The following SP110 variants were observed in gnomAD, a reference collection of about 807,000 sequenced individuals.
SP110 encodes SP110 nuclear body protein.
A neutral mutation model predicts 92.7 loss-of-function variants in SP110; 62 were observed. That is an observed-to-expected ratio of 0.67 (90% CI 0.55 to 0.83). The LOEUF is 0.83. Ranked by LOEUF, SP110 falls within the 40% of genes least tolerant of loss-of-function variation. The pLI, the probability that SP110 is intolerant of heterozygous loss-of-function variation, is 0.00. For missense variants in SP110, 793 were observed against 863.9 expected (o/e 0.92, Z 1.03); for synonymous variants, 273 against 305.3 (o/e 0.89, Z 1.10).
chr2:230,180,540 CA>C (rs1416899116), intron 12 of SP110, among the ~76,000 whole-genome samples: 1 of 152,106 alleles, frequency 6.6e-6, no homozygotes, highest in Non-Finnish European at 1.5e-5. Context: ...AAAGAGAAGG[CA>C]ATGACTGTCC....
Position 230,212,856 on chromosome 2 carries a change from G to A in SP110, c.488C>T (p.Ser163Phe), listed in dbSNP as rs2044647444. ...ACTCAGGATCTCATCGCTTTGCTGG[G>A]AGGATGTTCCAGGCTCACTGACTCT... is the stretch of plus-strand genomic sequence containing the variant. The part of the protein sequence containing the change: ...APRVSEPGTS[S>F]QQSDEILSES... Residue 163 changes from serine (S) to phenylalanine (F), a missense_variant, in exon 4 of 19, where the codon TCC becomes TTC. Physicochemically the swap from Ser to Phe is radical, Grantham distance 155 (BLOSUM62 -2). Transcript: ENST00000258381. 6.2e-7 allele frequency: 1 copy of A among 1,614,026 alleles called. No individual in the cohort carries two copies. Among genetic ancestry groups the A allele is most frequent in the African/African-American group, 1.3e-5 (1 of 74,916 alleles).
In SP110 at chr2:230,169,093, G is replaced by T; in HGVS notation, c.*31C>A. On this transcript the variant is annotated 3_prime_UTR_variant, in exon 19 of 19. Coordinates refer to ENST00000258381, the MANE Select transcript of SP110 (RefSeq NM_080424.4). The stretch of plus-strand genomic sequence containing the variant: ...AGGGTCCCATCAGCTGAATCCTGAG[G>T]TGGGGATGCTTCAGTCTTTACAGAA... 1 of 1,389,748 alleles carries T rather than the reference G, an allele frequency of 7.2e-7. No individual in the cohort carries two copies. The highest frequency in any genetic ancestry group is 1.0e-6 in the Non-Finnish European group (1 of 975,666). The allele number at this position is 1,389,748 out of a possible 1,614,324, so 86.1% of individuals were successfully genotyped here.
chr2:230,210,461 A>AAATAC lies in SP110; in HGVS notation c.752-458_752-454dup, dbSNP rs557104975. On this transcript the variant is annotated intron_variant, in intron 6 of 18. Coordinates refer to ENST00000258381, the MANE Select transcript of SP110 (RefSeq NM_080424.4). ...AAGGGGAATGTCTTTGCTGTATGAAAAATACATCTTATTGCTTTGACGTCT... is the reference window on the plus strand; with the variant it reads ...AAGGGGAATGTCTTTGCTGTATGAAAAATACAATACATCTTATTGCTTTGACGTCT... Among the ~76,000 whole-genome samples, 296 of 152,366 alleles carry AAATAC rather than the reference A, an allele frequency of 1.9e-3. 1 individual carries two copies. Among genetic ancestry groups the AAATAC allele is most frequent in the South Asian group, 5.2e-3 (25 of 4,830 alleles).
In SP110 at chr2:230,168,724, CCAAAACCCT is replaced by C. The variant is rs2078352727; in HGVS notation, c.*391_*399del. 1 of 169,004 alleles carries C rather than the reference CCAAAACCCT, an allele frequency of 5.9e-6. No homozygotes were observed. The highest frequency in any genetic ancestry group is 2.4e-5 in the African/African-American group (1 of 41,550). The allele number at this position is 169,004 out of a possible 1,614,324, so 10.5% of individuals were successfully genotyped here. A position where few individuals can be genotyped will look rare whatever the true frequency, so the allele number is the denominator to read the frequency against. ...CCAGATTGCAAAAAATGTAATAGGA[CCAAAACCCT>C]GAGTTCTTCAATAAATACATGACAA... On this transcript the variant is annotated 3_prime_UTR_variant, in exon 19 of 19. Coordinates refer to ENST00000258381, the MANE Select transcript of SP110 (RefSeq NM_080424.4).
chr2:230,225,323 C>T lies in SP110; in HGVS notation c.-64+212G>A, dbSNP rs137992853. Among the ~76,000 whole-genome samples, 899 of 152,308 alleles carry T rather than the reference C, an allele frequency of 5.9e-3. 14 individuals carry two copies. Among genetic ancestry groups the T allele is most frequent in the African/African-American group, 0.02 (850 of 41,560 alleles). On this transcript the variant is annotated intron_variant, in intron 1 of 15. Coordinates refer to the SP110 transcript ENST00000540870. ...CATGGAGTGCTAAGAGCATCTCCCC[C>T]ACTTTCTAATGCATGCTATTTCAGT...
At chr2:230,180,646 A>T (rs1353755564) in intron 12 of SP110, among the ~76,000 whole-genome samples, 3 of 152,182 alleles carry the variant, frequency 2.0e-5, no homozygotes, top group African/African-American at 7.2e-5. Flanking sequence ...TGGAATTTAC[A>T]CATGCCAGAC....
At chr2:230,225,080 C>T (rs1264293721) in intron 1 of SP110, among the ~76,000 whole-genome samples, 2 of 152,192 alleles carry the variant, frequency 1.3e-5, no homozygotes, top group African/African-American at 4.8e-5. Context: ...AATCTCAGCT[C>T]CAAACCCTTT....
chr2:230,200,847 G>A (rs1559161797), intron 10 of SP110, 38 bp downstream of exon 10: 2 of 1,436,528 alleles, frequency 1.4e-6, no homozygotes, highest in Non-Finnish European at 2.0e-6. Context: ...TAGATTCCTG[G>A]TGACTGTACT....
intron 12 of SP110, among the ~76,000 whole-genome samples, chr2:230,182,734 T>G (rs1349200921): frequency 6.6e-6 from 1 of 152,172 alleles, no homozygotes; most frequent in Admixed American, 6.5e-5. Context: ...ATTTTCTGTG[T>G]GTGTGAATCC....
intron 4 of SP110, 57 bp downstream of exon 4, chr2:230,212,704 T>G (rs1201939097): frequency 1.9e-6 from 3 of 1,604,624 alleles, no homozygotes; most frequent in Non-Finnish European, 2.6e-6. Context: ...GGCGGCAACA[T>G]GGCACAGGCA....
chr2:230,203,422 T>C (rs75411703), intron 8 of SP110: 19,259 of 153,524 alleles, frequency 0.13, 1,369 homozygotes, highest in South Asian at 0.27. Context: ...GCAGCCATGC[T>C]TCCCGCACGC....
intron 14 of SP110, among the ~76,000 whole-genome samples, chr2:230,175,945 CTTT>C (rs34906767): frequency 1.5e-5 from 2 of 130,772 alleles, no homozygotes; most frequent in African/African-American, 2.8e-5. Flanking sequence ...CTGCAGCATT[CTTT>C]TTTTTTTTTT....
At chr2:230,189,153 C>A (rs1234069115) in intron 10 of SP110, among the ~76,000 whole-genome samples, 1 of 151,862 alleles carries the variant, frequency 6.6e-6, no homozygotes, top group East Asian at 1.9e-4. Context: ...TTCAAAGAAC[C>A]AGCTTTTTGT....
chr2:230,169,304 CTT>C (rs1265437451), intron 18 of SP110, 67 bp from the exon 19 acceptor site: 1 of 971,264 alleles, frequency 1.0e-6, no homozygotes, highest in Non-Finnish European at 1.7e-6. Context: ...ATCACTCATA[CTT>C]TTTTTTGTGT....
At chr2:230,219,348 G>C (rs1444496807) in intron 1 of SP110, among the ~76,000 whole-genome samples, 4 of 152,202 alleles carry the variant, frequency 2.6e-5, no homozygotes, top group African/African-American at 9.6e-5. Context: ...TGAGTGGGAA[G>C]GTCAACAGGT....
At chr2:230,219,318 A>G (rs2045580096) in intron 1 of SP110, among the ~76,000 whole-genome samples, 1 of 152,236 alleles carries the variant, frequency 6.6e-6, no homozygotes, top group South Asian at 2.1e-4. Context: ...AGAAAATAAT[A>G]GTAATAATCT....
rs565828417 is a variant in SP110 at position 230,196,699 on chromosome 2, C to A, written c.1129+4186G>T. 3.2e-3 allele frequency among the ~76,000 whole-genome samples: 488 copies of A among 151,672 alleles called. 2 individuals carry two copies. Among genetic ancestry groups the A allele is most frequent in the African/African-American group, 0.011 (465 of 41,284 alleles). ...TAATGCTATCCCTCCCTCCTCCCCG[C>A]ACCCCACAACAGTCCCCAGAGTGTG... On this transcript the variant is annotated intron_variant, in intron 10 of 18. Coordinates refer to ENST00000258381, the MANE Select transcript of SP110 (RefSeq NM_080424.4).
At chr2:230,216,957 A>G (rs1285123041) in intron 1 of SP110, 29 bp from the exon 2 acceptor site, 1 of 1,607,560 alleles carries the variant, frequency 6.2e-7, no homozygotes, top group Admixed American at 1.7e-5. Context: ...TAAAAAATAG[A>G]AGCAAAGGCT....
In SP110 at chr2:230,202,617, T is replaced by A. The variant is rs1019331860; in HGVS notation, c.1010A>T (p.Lys337Met). The A allele has an allele frequency of 6.2e-7, 1 of 1,614,200 alleles. No homozygotes were observed. Among genetic ancestry groups the A allele is most frequent in the African/African-American group, 1.3e-5 (1 of 75,056 alleles). Reference protein sequence around the residue: ...CNSTVETRAQKARTECARKSR... With the variant: ...CNSTVETRAQMARTECARKSR... ...CTTTCGGGCACATTCAGTTCTCGCC[T>A]TTTGGGCCCTTGTCTCTACCGTGGA... Residue 337 changes from lysine to methionine, a missense_variant, in exon 9 of 19, where the codon AAG becomes ATG. Lys to Met is a moderately conservative substitution (Grantham distance 95). Coordinates refer to ENST00000258381, the MANE Select transcript of SP110 (RefSeq NM_080424.4).
Sources: gnomAD v4.1 joint callset for allele counts (sites outside exome capture counted in the v4.1 genomes callset) on GRCh38, gnomAD v4.1.1 for gene constraint, MANE v1.5 for transcripts, NCBI Gene and HGNC (gene_info 2026-07-23, HGNC 2026-07-21) for gene names.